TMEM243: variants seen among roughly 807,000 people sequenced by gnomAD.
TMEM243 encodes the protein MDR1 and mitochondrial taxol resistance associated.
Under a neutral mutation model 15.0 loss-of-function variants are expected in TMEM243, and 20 were observed. The ratio of observed to expected loss-of-function variants is 1.33; its 90% CI spans 0.94 to 1.93. TMEM243 has a LOEUF of 1.93. Ranked by LOEUF, TMEM243 falls within the 30% of genes most tolerant of loss-of-function variation. The pLI is 0.00. For synonymous variants in TMEM243, 72 were observed against 52.7 expected (o/e 1.37, Z -1.59); for missense variants, 156 against 142.1 (o/e 1.10, Z -0.50).
chr7:87,209,312 A>C (rs1802439497), intron 1 of TMEM243, among the ~76,000 whole-genome samples: 2 of 149,682 alleles, frequency 1.3e-5, no homozygotes, highest in African/African-American at 4.9e-5. Context: ...GGGGGTGGGA[A>C]AGGGTGGGAA....
At chr7:87,209,352 G>C (rs1045461599) in intron 1 of TMEM243, among the ~76,000 whole-genome samples, 6 of 151,368 alleles carry the variant, frequency 4.0e-5, no homozygotes, top group African/African-American at 1.5e-4. Context: ...GAGGTTGAGA[G>C]GGGGGAAGAA....
At chr7:87,199,795 A>AT (rs1801648364) in intron 1 of TMEM243, among the ~76,000 whole-genome samples, 1 of 152,158 alleles carries the variant, frequency 6.6e-6, no homozygotes, top group Non-Finnish European at 1.5e-5. Context: ...TCTAAGAGTC[A>AT]TAACAAGTTA....
chr7:87,206,750 AG>A (rs1375569867), intron 1 of TMEM243, among the ~76,000 whole-genome samples: 1 of 152,230 alleles, frequency 6.6e-6, no homozygotes, highest in Non-Finnish European at 1.5e-5. Context: ...AGCCTAGAAA[AG>A]TGAAGCTGTG....
At chr7:87,211,135 T>G (rs936626131) in intron 1 of TMEM243, among the ~76,000 whole-genome samples, 1 of 152,220 alleles carries the variant, frequency 6.6e-6, no homozygotes. Flanking sequence ...CCCCATTGTC[T>G]TACCTATTAA....
rs752278816 is a variant in TMEM243, at chr7:87,198,093, T to C, written c.130-48A>G. 3.3e-6 allele frequency: 5 copies of C among 1,505,652 alleles called. No homozygotes were observed. In the South Asian group the frequency reaches 6.0e-5, roughly 18 times the overall value. The allele number at this position is 1,505,652 out of a possible 1,614,324, so 93.3% of individuals were successfully genotyped here. A position where few individuals can be genotyped will look rare whatever the true frequency, so the allele number is the denominator to read the frequency against. On this transcript the variant is annotated intron_variant, in intron 2 of 3. Transcript: ENST00000257637. ...AGGCCTTAACAGTAATTCCAAGACT[T>C]GGTAATTACCAACTGGAGTCTAGGC...
intron 1 of TMEM243, among the ~76,000 whole-genome samples, chr7:87,209,551 T>TGA (rs142810375): frequency 0.87 from 124,598 of 143,702 alleles, 53,413 homozygotes; most frequent in African/African-American, 0.94. Context: ...TGAGAGACAA[T>TGA]GAGAGAGACA....
At chr7:87,214,676 G>A (rs1802983616) in intron 1 of TMEM243, among the ~76,000 whole-genome samples, 1 of 152,294 alleles carries the variant, frequency 6.6e-6, no homozygotes, top group South Asian at 2.1e-4. Context: ...TCACAAACTT[G>A]GTTATGGAAT....
intron 3 of TMEM243, 167 bp downstream of exon 3, chr7:87,197,774 A>G: frequency 6.9e-7 from 1 of 1,459,408 alleles, no homozygotes. Flanking sequence ...TTTAGGAGAA[A>G]AGGAGAAGAC....
intron 1 of TMEM243, among the ~76,000 whole-genome samples, chr7:87,206,786 T>C (rs146036045): frequency 6.6e-6 from 1 of 152,366 alleles, no homozygotes; most frequent in African/African-American, 2.4e-5. Flanking sequence ...ACTACACTTG[T>C]TTTCCTTCTT....
chr7:87,217,854 C>T (rs943261145), intron 1 of TMEM243, among the ~76,000 whole-genome samples: 2 of 152,188 alleles, frequency 1.3e-5, no homozygotes, highest in African/African-American at 2.4e-5. Context: ...AATCATTGGA[C>T]GTTTTGGCCC....
chr7:87,201,217 A>G (rs1475295125), intron 1 of TMEM243, among the ~76,000 whole-genome samples: 2 of 152,212 alleles, frequency 1.3e-5, no homozygotes, highest in African/African-American at 2.4e-5. Context: ...TCTATCAACC[A>G]TGAATTCAGG....
At position 87,196,449 on chromosome 7, in the gene TMEM243, C is replaced by G. The variant is rs530182729; in HGVS notation, c.*187G>C. ...GAATGTTTAGGTGCAACATCAGCTC[C>G]TTAAAGAAAAAGCAAAGTGATCTAG... On this transcript the variant is annotated 3_prime_UTR_variant, in exon 4 of 4. Coordinates refer to ENST00000257637, the MANE Select transcript of TMEM243 (RefSeq NM_024315.4). 60 of 540,808 alleles carry G rather than the reference C, an allele frequency of 1.1e-4. No homozygotes were observed. The highest frequency in any genetic ancestry group is 4.0e-4 in the African/African-American group (20 of 49,690). The allele number at this position is 540,808 out of a possible 1,614,324, so 33.5% of individuals were successfully genotyped here. A position where few individuals can be genotyped will look rare whatever the true frequency, so the allele number is the denominator to read the frequency against.
intron 1 of TMEM243, among the ~76,000 whole-genome samples, chr7:87,211,835 T>C (rs1802774373): frequency 6.6e-6 from 1 of 152,188 alleles, no homozygotes; most frequent in Non-Finnish European, 1.5e-5. Flanking sequence ...TCTGTCTCAC[T>C]GGCTAACTCT....
intron 1 of TMEM243, among the ~76,000 whole-genome samples, chr7:87,212,676 A>T (rs922867268): frequency 1.3e-5 from 2 of 152,242 alleles, no homozygotes; most frequent in Non-Finnish European, 2.9e-5. Context: ...GATATCTAGC[A>T]TATCCAGGTT....
intron 1 of TMEM243, among the ~76,000 whole-genome samples, chr7:87,209,460 CAGAGTGAGACAG>C (rs1057435763): frequency 2.7e-5 from 4 of 147,300 alleles, no homozygotes; most frequent in East Asian, 2.1e-4. Context: ...GTGAGACAGA[CAGAGTGAGACAG>C]AGAGTGAGAT....
In TMEM243 at chr7:87,197,862, C is replaced by A. The variant is rs375910303; in HGVS notation, c.234+79G>T. The A allele has an allele frequency of 5.9e-4, 941 of 1,603,784 alleles. 20 individuals carry two copies. The South Asian group carries it at 1.0e-2, about 17-fold the overall frequency. ...ATTAAGAGATACCCTTTTGTATAGA[C>A]CCAAGGCTGAAAATTTTTGTCCTGT... On this transcript the variant is annotated intron_variant, in intron 3 of 3. Coordinates refer to ENST00000257637, the MANE Select transcript of TMEM243 (RefSeq NM_024315.4).
intron 1 of TMEM243, among the ~76,000 whole-genome samples, chr7:87,209,381 T>G (rs1802446466): frequency 1.4e-5 from 2 of 148,050 alleles, no homozygotes; most frequent in African/African-American, 5.0e-5. Context: ...GAGAGAGAGG[T>G]GGGAGAGAGA....
intron 3 of TMEM243, chr7:87,197,718 A>C: frequency 6.6e-6 from 1 of 151,668 alleles, no homozygotes; most frequent in Non-Finnish European, 8.5e-6. Flanking sequence ...TTTTTTTTTA[A>C]GCTATCAAGG....
intron 1 of TMEM243, among the ~76,000 whole-genome samples, chr7:87,209,440 G>T (rs1019020474): frequency 6.6e-6 from 1 of 151,928 alleles, no homozygotes; most frequent in Non-Finnish European, 1.5e-5. Context: ...GTGAGACAGA[G>T]ATTGAGACAG....
Sources: gnomAD v4.1 joint callset for allele counts (sites outside exome capture counted in the v4.1 genomes callset) on GRCh38, gnomAD v4.1.1 for gene constraint, MANE v1.5 for transcripts, NCBI Gene and HGNC (gene_info 2026-07-23, HGNC 2026-07-21) for gene names.